MACF1: variants seen among roughly 807,000 people sequenced by gnomAD.
The protein encoded by MACF1 is microtubule actin crosslinking factor 1, also known as microtubule-actin cross-linking factor 1.
Under a neutral mutation model 854.8 loss-of-function variants are expected in MACF1, and 193 were observed. The observed-to-expected ratio is 0.23, with a 90% CI of 0.20 to 0.25. The LOEUF (loss-of-function observed/expected upper bound fraction) is 0.25, where lower values mean the gene tolerates loss of function less well. Among genes scored for constraint, MACF1 ranks in the 10% least tolerant of loss-of-function variants. MACF1 has a pLI of 1.00. For synonymous variants in MACF1, 3,185 were observed against 3,226.7 expected, an observed-to-expected ratio of 0.99 and a Z score of 0.44; for missense variants, 7,722 against 8,929.1, an observed-to-expected ratio of 0.86 and a Z score of 5.45.
Position 39,297,615 on chromosome 1 carries a change from C to T in MACF1, c.2356-5C>T. ...AGAAGGCATCCTTACTTTGTATTCC[C>T]ATAGTTCTTCAGTGATGCACGAGAG... On this transcript the variant is annotated splice_region_variant and splice_polypyrimidine_tract_variant and intron_variant, in intron 20 of 100. Transcript: ENST00000564288. 2.5e-6 allele frequency: 4 copies of T among 1,614,076 alleles called. No individual in the cohort carries two copies. Among genetic ancestry groups the T allele is most frequent in the Non-Finnish European group, 3.4e-6 (4 of 1,179,986 alleles).
chr1:39,130,945 A>G (rs4660444), intron 2 of MACF1, among the ~76,000 whole-genome samples: 138,517 of 151,316 alleles, frequency 0.92, 64,494 homozygotes, highest in East Asian at 1. Flanking sequence ...GGGTTCAAGC[A>G]ATTCTCCTGC....
chr1:39,105,381 C>A lies in MACF1; in HGVS notation c.220+20943C>A. ...GGGCGGGCTGAGGGAGGAGCGGAGCCGAGGGGTGAGGACGCGGAAACGCGA... is the reference window on the plus strand; with the variant it reads ...GGGCGGGCTGAGGGAGGAGCGGAGCAGAGGGGTGAGGACGCGGAAACGCGA... On this transcript the variant is annotated intron_variant, in intron 2 of 93. Coordinates refer to the MACF1 transcript ENST00000361689. The surrounding 1 kb of genome is among the most constrained non-coding windows in gnomAD (Gnocchi z 5.9). 1 of 985,386 alleles carries A rather than the reference C, an allele frequency of 1.0e-6. No individual in the cohort carries two copies. Among genetic ancestry groups the A allele is most frequent in the South Asian group, 4.7e-5 (1 of 21,460 alleles). The allele number at this position is 985,386 out of a possible 1,614,324, so 61.0% of individuals were successfully genotyped here.
chr1:39,392,168 G>T (rs1240035702), intron 58 of MACF1, among the ~76,000 whole-genome samples: 1 of 152,166 alleles, frequency 6.6e-6, no homozygotes, highest in Non-Finnish European at 1.5e-5. Flanking sequence ...AAAATCTTTG[G>T]TCAGGAGGGG....
intron 58 of MACF1, among the ~76,000 whole-genome samples, chr1:39,415,313 CTT>C (rs1643248183): frequency 6.6e-6 from 1 of 151,462 alleles, no homozygotes; most frequent in Non-Finnish European, 1.5e-5. Context: ...TTGGGTCTCT[CTT>C]GGCTCTAAGA....
chr1:39,292,662 A>G lies in MACF1; in HGVS notation c.1915-104A>G, dbSNP rs1056103243. On this transcript the variant is annotated intron_variant, in intron 16 of 100. Transcript: ENST00000564288. The stretch of plus-strand genomic sequence containing the variant: ...AGCTTCTGTTTTCTTAGAGCAACCA[A>G]TCCATATCTCTATCTAGACATAATA... 1.9e-5 allele frequency: 15 copies of G among 804,344 alleles called. No individual in the cohort carries two copies. The South Asian group carries it at 2.8e-4, about 15-fold the overall frequency. The allele number at this position is 804,344 out of a possible 1,614,324, so 49.8% of individuals were successfully genotyped here.
intron 21 of MACF1, among the ~76,000 whole-genome samples, chr1:39,297,992 T>G (rs1645960021): frequency 1.3e-5 from 2 of 152,218 alleles, no homozygotes; most frequent in African/African-American, 4.8e-5. Flanking sequence ...AGTCTTCTCC[T>G]CTGAGCCACT....
chr1:39,426,089 A>G (rs949301170), intron 61 of MACF1, among the ~76,000 whole-genome samples: 1 of 152,210 alleles, frequency 6.6e-6, no homozygotes, highest in African/African-American at 2.4e-5. Context: ...AGTAAGAAAG[A>G]CATAAAAATT....
intron 44 of MACF1, among the ~76,000 whole-genome samples, chr1:39,356,614 G>T (rs1048594608): frequency 6.6e-6 from 1 of 152,082 alleles, no homozygotes; most frequent in African/African-American, 2.4e-5. Flanking sequence ...CTTGTGATCT[G>T]CCAGCCTCGG....
chr1:39,095,807 A>G (rs1305481649), intron 2 of MACF1, among the ~76,000 whole-genome samples: 2 of 151,794 alleles, frequency 1.3e-5, no homozygotes, highest in Non-Finnish European at 2.9e-5. Flanking sequence ...CCAGGAGGTC[A>G]TGGCTGCAGT....
chr1:39,273,194 T>G (rs919196461), intron 6 of MACF1, among the ~76,000 whole-genome samples: 3 of 148,072 alleles, frequency 2.0e-5, no homozygotes, highest in African/African-American at 7.5e-5. Flanking sequence ...TGCAGTGCAG[T>G]GGTGCGATCT....
intron 2 of MACF1, among the ~76,000 whole-genome samples, chr1:39,100,358 G>GT (rs1642038702): frequency 6.6e-6 from 1 of 152,142 alleles, no homozygotes; most frequent in South Asian, 2.1e-4. Context: ...GGGAAAGGAG[G>GT]TACACACAAG....
rs1356958794 is a variant in MACF1 at position 39,333,059 on chromosome 1, G to A, written c.6471G>A (p.Lys2157=). 6.2e-7 allele frequency: 1 copy of A among 1,614,032 alleles called. No homozygotes were observed. Among genetic ancestry groups the A allele is most frequent in the East Asian group, 2.2e-5 (1 of 44,874 alleles). Residue 2157 remains lysine, a synonymous_variant, in exon 37 of 101, where the codon AAG becomes AAA. Coordinates refer to ENST00000564288, the MANE Select transcript of MACF1 (RefSeq NM_001394062.1). ...DKDVFSVETP[K]KEHQPLRNTS... ...ATGTTTTTTCTGTTGAAACACCAAAGAAAGAACATCAACCTCTAAGAAACA... is the reference window on the plus strand; with the variant it reads ...ATGTTTTTTCTGTTGAAACACCAAAAAAAGAACATCAACCTCTAAGAAACA...
chr1:39,303,344 A>AT (rs983257626), intron 23 of MACF1, among the ~76,000 whole-genome samples: 6 of 152,134 alleles, frequency 3.9e-5, no homozygotes, highest in African/African-American at 1.2e-4. Flanking sequence ...CAGAAGATTG[A>AT]TTTTTTTACC....
intron 14 of MACF1, among the ~76,000 whole-genome samples, chr1:39,286,160 C>A (rs894504675): frequency 6.6e-6 from 1 of 151,972 alleles, no homozygotes; most frequent in African/African-American, 2.4e-5. Context: ...CCTATAAGTG[C>A]AGGCTGCCAT....
At chr1:39,186,212 C>A (rs368092756) in intron 2 of MACF1, among the ~76,000 whole-genome samples, 7 of 80,044 alleles carry the variant, frequency 8.7e-5, no homozygotes, top group African/African-American at 3.2e-4. Flanking sequence ...CTCTCTCTCT[C>A]TCTGTGTGTG....
At chr1:39,226,178 C>A (rs955129137) in intron 1 of MACF1, among the ~76,000 whole-genome samples, 1 of 152,106 alleles carries the variant, frequency 6.6e-6, no homozygotes, top group Non-Finnish European at 1.5e-5. Flanking sequence ...ATCATGTTGC[C>A]TTTAATGATT....
At chr1:39,308,039 G>A (rs1232761695) in intron 23 of MACF1, among the ~76,000 whole-genome samples, 1 of 150,486 alleles carries the variant, frequency 6.6e-6, no homozygotes, top group East Asian at 2.0e-4. Context: ...CGAGTAGCTG[G>A]GACTACAGGC....
rs79901102 is a variant in MACF1, at chr1:39,387,491, T to C, written c.14649T>C (p.His4883=). The change falls in exon 58 of 101, where the codon CAT becomes CAC. Residue 4883 remains histidine, a synonymous_variant. Coordinates refer to ENST00000564288, the MANE Select transcript of MACF1 (RefSeq NM_001394062.1). The part of the protein sequence containing the change: ...LQNQLVELKN[H]WEELSKKTAD... Reference sequence around the variant, plus strand: ...ACCAGTTGGTTGAGCTCAAAAACCATTGGGAAGAGCTTAGTAAAAAAACTG... The same window carrying C: ...ACCAGTTGGTTGAGCTCAAAAACCACTGGGAAGAGCTTAGTAAAAAAACTG... The C allele has an allele frequency of 4.2e-3, 6,733 of 1,613,988 alleles. 257 individuals carry two copies. In the African/African-American group the frequency reaches 0.075, roughly 18 times the overall value.
intron 1 of MACF1, 73 bp from the exon 2 acceptor site, chr1:39,231,109 G>A: frequency 9.2e-7 from 1 of 1,088,860 alleles, no homozygotes; most frequent in Non-Finnish European, 1.4e-6. Flanking sequence ...CAGAGATGTG[G>A]GCAGGGCAGC....
Sources: gnomAD v4.1 joint callset for allele counts (sites outside exome capture counted in the v4.1 genomes callset) on GRCh38, gnomAD v4.1.1 for gene constraint, Gnocchi (gnomAD v3.1) non-coding constraint, MANE v1.5 for transcripts, NCBI Gene and HGNC (gene_info 2026-07-23, HGNC 2026-07-21) for gene names.